SLC37A1: variants seen among roughly 807,000 people sequenced by gnomAD.
The protein encoded by SLC37A1 is solute carrier family 37 member 1.
SLC37A1 carries 49 observed loss-of-function variants against 75.3 expected under a neutral mutation model. The observed-to-expected ratio is 0.65, with a 90% CI of 0.52 to 0.83. SLC37A1 has a LOEUF of 0.83. Ranked by LOEUF, SLC37A1 falls within the 40% of genes least tolerant of loss-of-function variation. The pLI, the probability that SLC37A1 is intolerant of heterozygous loss-of-function variation, is 0.00. For missense variants in SLC37A1, 566 were observed against 695.0 expected, an observed-to-expected ratio of 0.81 and a Z score of 2.09; for synonymous variants, 268 against 292.1, an observed-to-expected ratio of 0.92 and a Z score of 0.84.
At chr21:42,532,444 G>A (rs540966449) in intron 3 of SLC37A1, among the ~76,000 whole-genome samples, 1 of 152,304 alleles carries the variant, frequency 6.6e-6, no homozygotes, top group African/African-American at 2.4e-5. Context: ...TCCTGCCCTA[G>A]CTGTGGCTTT....
chr21:42,564,801 G>A lies in SLC37A1; in HGVS notation c.1221+8G>A, dbSNP rs114624953. On this transcript the variant is annotated splice_region_variant and intron_variant, in intron 14 of 19. Coordinates refer to ENST00000352133, the MANE Select transcript of SLC37A1 (RefSeq NM_001320537.2). ...CTGCTCGCGGCCCCCACGGTCAGCCGTGCTGCCTTCCCTGGGCCCCAAAGC... is the reference window on the plus strand; with the variant it reads ...CTGCTCGCGGCCCCCACGGTCAGCCATGCTGCCTTCCCTGGGCCCCAAAGC... 1,479 of 1,602,704 alleles carry A rather than the reference G, an allele frequency of 9.2e-4. 16 individuals are homozygous for A. In the African/African-American group the frequency reaches 0.017, roughly 19 times the overall value.
At chr21:42,565,744 G>A (rs930941369) in intron 14 of SLC37A1, 83 bp from the exon 15 acceptor site, 102 of 1,319,600 alleles carry the variant, frequency 7.7e-5, no homozygotes, top group East Asian at 3.0e-4. Context: ...ATCACCCGCC[G>A]GGTTTTTGAG....
intron 10 of SLC37A1, among the ~76,000 whole-genome samples, chr21:42,555,707 C>G (rs1375004935): frequency 6.6e-6 from 1 of 152,224 alleles, no homozygotes; most frequent in Non-Finnish European, 1.5e-5. Context: ...AGTAACTGAC[C>G]CATAGAACTA....
Position 42,547,997 on chromosome 21 carries a change from G to A in SLC37A1, c.768+857G>A, listed in dbSNP as rs778865458. 9.9e-5 allele frequency among the ~76,000 whole-genome samples: 15 copies of A among 152,216 alleles called. No individual in the cohort carries two copies. The highest frequency in any genetic ancestry group is 8.3e-4 in the South Asian group (4 of 4,818). On this transcript the variant is annotated intron_variant, in intron 9 of 19. Coordinates refer to ENST00000352133, the MANE Select transcript of SLC37A1 (RefSeq NM_001320537.2). The surrounding 1 kb of genome is among the most constrained non-coding windows in gnomAD (Gnocchi z 6.1). ...TCTCTGGCCTCACCCTGCTGGGCCC[G>A]TCGCCCGCGTCTGACCCAATGCTTC...
rs1045847870 is a variant in SLC37A1, at chr21:42,535,616, C to A, written c.350+66C>A. ...GGCCCCTCCGTGCAGAGAAGACATCCGCTATGCTGAAGTGCACAGGCGCGC... is the reference window on the plus strand; with the variant it reads ...GGCCCCTCCGTGCAGAGAAGACATCAGCTATGCTGAAGTGCACAGGCGCGC... On this transcript the variant is annotated intron_variant, in intron 5 of 19. Coordinates refer to ENST00000352133, the MANE Select transcript of SLC37A1 (RefSeq NM_001320537.2). 4.5e-5 allele frequency: 64 copies of A among 1,427,584 alleles called. No individual in the cohort carries two copies. The South Asian group carries it at 6.1e-4, about 14-fold the overall frequency. 88.4% of individuals were successfully genotyped at this position (1,427,584 alleles called of 1,614,324 possible).
Position 42,547,128 on chromosome 21 carries a change from C to T in SLC37A1, c.756C>T (p.Ser252=). 7.4e-6 allele frequency: 12 copies of T among 1,614,212 alleles called. No individual in the cohort carries two copies. Among genetic ancestry groups the T allele is most frequent in the Non-Finnish European group, 1.0e-5 (12 of 1,180,036 alleles). Reference sequence around the variant, plus strand: ...ATCCGAACGACGTCAGGTGCTCCTCCACCCTGGTGACGGTAAGGACCCTGT... The same window carrying T: ...ATCCGAACGACGTCAGGTGCTCCTCTACCCTGGTGACGGTAAGGACCCTGT... ...IEHPNDVRCS[S]TLVTHSKGYE... The change falls in exon 9 of 20, where the codon TCC becomes TCT. Residue 252 remains serine (S), a synonymous_variant. Transcript: ENST00000352133. The surrounding 1 kb of genome is among the most constrained non-coding windows in gnomAD (Gnocchi z 6.1).
rs2054773716 is a variant in SLC37A1, at chr21:42,525,781, G to A, written c.62G>A (p.Arg21Lys). ...IISFSRDQWY[R>K]AFIFILTFLL... ...CCCACTGTTTTGTGTTTCAGGTACA[G>A]AGCCTTCATTTTTATTTTGACATTT... Residue 21 changes from arginine to lysine, a missense_variant, in exon 3 of 20, where the codon AGA becomes AAA. By Grantham distance (26) the Arg-to-Lys change is conservative. Transcript: ENST00000352133. 1 of 1,613,188 alleles carries A rather than the reference G, an allele frequency of 6.2e-7. No homozygotes were observed. Among genetic ancestry groups the A allele is most frequent in the Non-Finnish European group, 8.5e-7 (1 of 1,179,342 alleles).
In SLC37A1 at chr21:42,565,883, T is replaced by TG. The variant is rs1211809891; in HGVS notation, c.1270+10dup. On this transcript the variant is annotated intron_variant, in intron 15 of 19. Transcript: ENST00000352133. Reference sequence around the variant, plus strand: ...GGCTTGAGGCCACCATCGGTGAGTATGGAGGCCTTCCTGCTTTTCTTCCAC... The same window carrying TG: ...GGCTTGAGGCCACCATCGGTGAGTATGGGAGGCCTTCCTGCTTTTCTTCCAC... 6.2e-7 allele frequency: 1 copy of TG among 1,613,314 alleles called. No individual in the cohort carries two copies. Among genetic ancestry groups the TG allele is most frequent in the African/African-American group, 1.3e-5 (1 of 74,918 alleles).
chr21:42,502,028 T>C (rs1036319260), intron 1 of SLC37A1, among the ~76,000 whole-genome samples: 3 of 152,232 alleles, frequency 2.0e-5, no homozygotes, highest in African/African-American at 4.8e-5. Context: ...AGGAAGGTCA[T>C]GATCAAATAA....
intron 12 of SLC37A1, among the ~76,000 whole-genome samples, chr21:42,563,268 C>T (rs893301550): frequency 6.6e-6 from 1 of 152,222 alleles, no homozygotes; most frequent in African/African-American, 2.4e-5. Flanking sequence ...CATTTCCAGT[C>T]TGTTTGAAAA....
intron 9 of SLC37A1, among the ~76,000 whole-genome samples, chr21:42,550,192 G>C (rs1348612694): frequency 2.0e-5 from 3 of 152,136 alleles, no homozygotes; most frequent in Non-Finnish European, 4.4e-5. Context: ...TGGTTCTTTG[G>C]AAAGATCAAC....
intron 19 of SLC37A1, among the ~76,000 whole-genome samples, chr21:42,580,117 C>G (rs543277070): frequency 2.0e-5 from 3 of 151,974 alleles, no homozygotes; most frequent in East Asian, 1.9e-4. Context: ...TTCCCTCCCC[C>G]CTTGGTCCTC....
chr21:42,566,946 A>C, intron 15 of SLC37A1, 39 bp from the exon 16 acceptor site: 1 of 1,589,984 alleles, frequency 6.3e-7, no homozygotes, highest in Non-Finnish European at 8.5e-7. Flanking sequence ...GGCTCTCTGG[A>C]GGGCACATTT....
chr21:42,568,458 T>C lies in SLC37A1; in HGVS notation c.1423+20T>C, dbSNP rs1447042635. Reference sequence around the variant, plus strand: ...CTGTAGGTGCGCAGAGAGTTTTAGCTCTGGGAGGTTTGGTGTCTTAGGGGA... The same window carrying C: ...CTGTAGGTGCGCAGAGAGTTTTAGCCCTGGGAGGTTTGGTGTCTTAGGGGA... On this transcript the variant is annotated intron_variant, in intron 17 of 19. Coordinates refer to ENST00000352133, the MANE Select transcript of SLC37A1 (RefSeq NM_001320537.2). 7.4e-6 allele frequency: 12 copies of C among 1,610,940 alleles called. No homozygotes were observed. The highest frequency in any genetic ancestry group is 6.6e-5 in the South Asian group (6 of 90,468).
chr21:42,501,236 TTC>T (rs1216201630), intron 1 of SLC37A1, among the ~76,000 whole-genome samples: 1 of 152,256 alleles, frequency 6.6e-6, no homozygotes, highest in African/African-American at 2.4e-5. Context: ...GTGAAATTTT[TTC>T]TTTTTCTTGT....
chr21:42,566,689 T>C (rs2055987219), intron 15 of SLC37A1, among the ~76,000 whole-genome samples: 1 of 152,044 alleles, frequency 6.6e-6, no homozygotes, highest in Non-Finnish European at 1.5e-5. Context: ...CCACAGCAGC[T>C]GTGGGTGAGG....
chr21:42,512,916 T>C (rs2054452330), upstream of SLC37A1, among the ~76,000 whole-genome samples: 1 of 152,220 alleles, frequency 6.6e-6, no homozygotes, highest in Non-Finnish European at 1.5e-5. Flanking sequence ...GAATGCCTTC[T>C]CCATTCTCCA....
chr21:42,578,235 C>G (rs953256874), intron 18 of SLC37A1, among the ~76,000 whole-genome samples: 4 of 152,186 alleles, frequency 2.6e-5, no homozygotes, highest in African/African-American at 9.7e-5. Context: ...GGCGCACGAC[C>G]GAAGGCCTCA....
intron 15 of SLC37A1, among the ~76,000 whole-genome samples, chr21:42,566,499 G>T (rs1228170669): frequency 6.6e-6 from 1 of 152,256 alleles, no homozygotes. Flanking sequence ...TGAGCCAGCA[G>T]TGGGGATGTG....
Sources: allele counts gnomAD v4.1 joint callset (sites outside exome capture counted in the v4.1 genomes callset), GRCh38; gene constraint gnomAD v4.1.1; non-coding constraint Gnocchi (gnomAD v3.1); transcripts MANE v1.5; gene names NCBI Gene and HGNC (gene_info 2026-07-23, HGNC 2026-07-21).